Variants in NXT2 observed in about 807,000 individuals in gnomAD.
NXT2 encodes the protein NTF2-related export protein 2.
Under a neutral mutation model 9.6 loss-of-function variants are expected in NXT2, and 1 was observed. The ratio of observed to expected loss-of-function variants is 0.10; its 90% CI spans 0.04 to 0.49. The LOEUF is 0.49. NXT2 is among the 20% of genes least tolerant of loss of function. The probability of loss-of-function intolerance (pLI) is 0.95; values close to 1 mark genes in which losing one functional copy is unlikely to be tolerated. For missense variants in NXT2, 48 were observed against 100.3 expected, an observed-to-expected ratio of 0.48 and a Z score of 2.23; for synonymous variants, 22 against 35.4, an observed-to-expected ratio of 0.62 and a Z score of 1.34.
rs776789144 is a variant in NXT2, at chrX:109,542,779, G to A, written c.*91G>A. 4.0e-4 allele frequency: 275 copies of A among 694,197 alleles called. No homozygotes were observed. The highest frequency in any genetic ancestry group is 5.6e-4 in the Admixed American group (15 of 26,571). 57.2% of individuals were successfully genotyped at this position (694,197 alleles called of 1,213,427 possible). A position where few individuals can be genotyped will look rare whatever the true frequency, so the allele number is the denominator to read the frequency against. On this transcript the variant is annotated 3_prime_UTR_variant, in exon 4 of 4. Transcript: ENST00000372106. ...TGATTGTAGAAGCACTATAATATGT[G>A]CTGAAACTAAATTTCTTTAATATTT... is the stretch of plus-strand genomic sequence containing the variant.
At chrX:109,536,542 T>G (rs1933277669), upstream of NXT2, 1 of 135,908 alleles carries the variant, frequency 7.4e-6, no homozygotes, top group Admixed American at 8.3e-5. Flanking sequence ...CTCTGCCCAC[T>G]TATCCTATAG....
intron 2 of NXT2, among the ~76,000 whole-genome samples, chrX:109,540,696 T>G (rs1193793802): frequency 8.9e-6 from 1 of 112,283 alleles, no homozygotes; most frequent in African/African-American, 3.2e-5. Flanking sequence ...GTTTTAACTG[T>G]GGAATTTCTG....
rs754464519 is a variant in NXT2, at chrX:109,543,663, A to G, written c.*975A>G. 1 of 112,187 alleles carries G rather than the reference A, an allele frequency of 8.9e-6. No individual in the cohort carries two copies. Among genetic ancestry groups the G allele is most frequent in the East Asian group, 2.8e-4 (1 of 3,618 alleles). The allele number at this position is 112,187 out of a possible 1,213,427, so 9.2% of individuals were successfully genotyped here. A position where few individuals can be genotyped will look rare whatever the true frequency, so the allele number is the denominator to read the frequency against. ...TTCACCTCATACTTATCACCAATGT[A>G]TATCTCCATTTATTCAATAACTTAC... On this transcript the variant is annotated 3_prime_UTR_variant, in exon 4 of 4. Transcript: ENST00000372106.
Position 109,542,160 on chromosome X carries a change from A to G in NXT2, c.248-347A>G, listed in dbSNP as rs192158471. On this transcript the variant is annotated intron_variant, in intron 3 of 3. Transcript: ENST00000372106. ...TCCTTTATAATTCCTGAAAAGAACA[A>G]TAGTTTAAGAAGCAAAGCATGAATA... 2.3e-3 allele frequency among the ~76,000 whole-genome samples: 256 copies of G among 111,485 alleles called. 5 individuals are homozygous for G. Among genetic ancestry groups the G allele is most frequent in the African/African-American group, 7.8e-3 (239 of 30,816 alleles).
chrX:109,541,675 C>G (rs1933422351), intron 3 of NXT2, 56 bp downstream of exon 3: 8 of 958,128 alleles, frequency 8.3e-6, no homozygotes, highest in Non-Finnish European at 1.1e-5. Context: ...AAGCACTGAG[C>G]TTTTACACCA....
chrX:109,539,897 G>GT (rs1933375351), intron 2 of NXT2, among the ~76,000 whole-genome samples: 1 of 112,099 alleles, frequency 8.9e-6, no homozygotes. Flanking sequence ...TGCTTTTGGT[G>GT]TTTTAGTCAT....
At chrX:109,538,939 G>T (rs1202474123) in intron 2 of NXT2, among the ~76,000 whole-genome samples, 3 of 110,828 alleles carry the variant, frequency 2.7e-5, no homozygotes, top group African/African-American at 9.9e-5. Flanking sequence ...TTGTTACATA[G>T]GTATACACGT....
upstream of NXT2, among the ~76,000 whole-genome samples, chrX:109,536,364 T>C (rs1197868542): frequency 8.9e-6 from 1 of 112,811 alleles, no homozygotes; most frequent in Admixed American, 9.3e-5. Flanking sequence ...CATTTTAAAA[T>C]GCCAGAATGG....
In NXT2 at chrX:109,536,844, G is replaced by T; in HGVS notation, c.-163G>T. On this transcript the variant is annotated 5_prime_UTR_variant, in exon 1 of 4. Transcript: ENST00000372106. ...GGAACATCGGTGTGCTTTTAACGACGGACCGAGCTACTTCCGGGAGAGAAT... is the reference window on the plus strand; with the variant it reads ...GGAACATCGGTGTGCTTTTAACGACTGACCGAGCTACTTCCGGGAGAGAAT... The T allele has an allele frequency of 3.6e-6, 4 of 1,126,485 alleles. No individual in the cohort carries two copies. The highest frequency in any genetic ancestry group is 3.5e-6 in the Non-Finnish European group (3 of 848,257). The allele number at this position is 1,126,485 out of a possible 1,213,427, so 92.8% of individuals were successfully genotyped here.
intron 2 of NXT2, among the ~76,000 whole-genome samples, chrX:109,540,786 A>G (rs777480755): frequency 8.9e-6 from 1 of 111,828 alleles, no homozygotes; most frequent in African/African-American, 3.2e-5. Flanking sequence ...AACTAAGTAC[A>G]CTAATAGAGT....
intron 2 of NXT2, 67 bp downstream of exon 2, chrX:109,538,198 G>A: frequency 1.4e-6 from 1 of 712,065 alleles, no homozygotes; most frequent in Non-Finnish European, 2.1e-6. Context: ...GGTTGTGTCT[G>A]GAGCCAGCGT....
chrX:109,536,772 G>A (rs1273371631), upstream of NXT2: 2 of 960,042 alleles, frequency 2.1e-6, no homozygotes, highest in Non-Finnish European at 2.7e-6. Flanking sequence ...TAGATAAGGT[G>A]GATGGGAGGG....
intron 2 of NXT2, among the ~76,000 whole-genome samples, chrX:109,541,144 G>C (rs1358036764): frequency 8.9e-6 from 1 of 111,939 alleles, no homozygotes; most frequent in African/African-American, 3.2e-5. Flanking sequence ...GGCTGCATTT[G>C]CTTGGAATTT....
At chrX:109,540,585 C>G (rs1933397697) in intron 2 of NXT2, among the ~76,000 whole-genome samples, 1 of 111,763 alleles carries the variant, frequency 8.9e-6, no homozygotes, top group South Asian at 3.7e-4. Context: ...CTCAGCCTCC[C>G]AAAGTGCTGG....
chrX:109,536,712 G>C (rs1490664283), upstream of NXT2: 4 of 575,703 alleles, frequency 6.9e-6, no homozygotes, highest in Non-Finnish European at 9.8e-6. Context: ...TGAGTATCAT[G>C]TTTACAAAAG....
At chrX:109,538,164 A>G (rs1309788793) in intron 2 of NXT2, 33 bp downstream of exon 2, 1 of 847,864 alleles carries the variant, frequency 1.2e-6, no homozygotes, top group African/African-American at 2.0e-5. Context: ...CTCTTTATAG[A>G]CTACTACTCT....
chrX:109,535,985 TACG>T, upstream of NXT2: 1 of 1,148,568 alleles, frequency 8.7e-7, no homozygotes, highest in Non-Finnish European at 1.2e-6. Context: ...AAGGTAAAAC[TACG>T]ACATCTAATT....
rs746628863 is a variant in NXT2, at chrX:109,536,914, C to A, written c.-93C>A. 8.3e-7 allele frequency: 1 copy of A among 1,208,723 alleles called. No individual in the cohort carries two copies. The highest frequency in any genetic ancestry group is 1.8e-5 in the South Asian group (1 of 56,447). ...TGCGTTTGGCGGGTTTCGCTCTCTT[C>A]ATAAGTATTGATCATTCCGCAGCCC... On this transcript the variant is annotated 5_prime_UTR_variant, in exon 1 of 4. An upstream open reading frame in the 5' UTR gains an earlier in-frame stop. Coordinates refer to ENST00000372106, the MANE Select transcript of NXT2 (RefSeq NM_001242617.2).
chrX:109,536,092 T>C (rs1933268433), upstream of NXT2: 1 of 505,536 alleles, frequency 2.0e-6, no homozygotes, highest in Non-Finnish European at 3.3e-6. Context: ...ATGACAGTTA[T>C]ATTGCTTGAG....
Sources: gnomAD v4.1 joint callset for allele counts (sites outside exome capture counted in the v4.1 genomes callset) on GRCh38, gnomAD v4.1.1 for gene constraint, MANE v1.5 for transcripts, NCBI Gene and HGNC (gene_info 2026-07-23, HGNC 2026-07-21) for gene names.